The following BIRC6 variants were observed in gnomAD, a reference collection of about 807,000 sequenced individuals.
The protein encoded by BIRC6 is dual E2 ubiquitin-conjugating enzyme/E3 ubiquitin-protein ligase BIRC6.
A neutral mutation model predicts 503.3 loss-of-function variants in BIRC6; 98 were observed. The ratio of observed to expected loss-of-function variants is 0.19; its 90% confidence interval spans 0.17 to 0.23. BIRC6 has a LOEUF of 0.23. Among genes scored for constraint, BIRC6 ranks in the 10% least tolerant of loss-of-function variants. The pLI is 1.00. For missense variants in BIRC6, 5,360 were observed against 5,806.0 expected, an observed-to-expected ratio of 0.92 and a Z score of 2.50; for synonymous variants, 2,240 against 2,078.7, an observed-to-expected ratio of 1.08 and a Z score of -2.11.
chr2:32,615,729 G>C (rs1172153048), intron 73 of BIRC6, among the ~76,000 whole-genome samples: 1 of 152,106 alleles, frequency 6.6e-6, no homozygotes, highest in African/African-American at 2.4e-5. Context: ...CTGCCTCCCT[G>C]GTTCAAGCGA....
chr2:32,497,076 A>T (rs896635594), intron 45 of BIRC6, among the ~76,000 whole-genome samples: 1 of 152,220 alleles, frequency 6.6e-6, no homozygotes, highest in African/African-American at 2.4e-5. Flanking sequence ...CTAAGACCTT[A>T]AAAAAATTAT....
chr2:32,365,614 C>T (rs1038027690), intron 1 of BIRC6, among the ~76,000 whole-genome samples: 3 of 152,028 alleles, frequency 2.0e-5, no homozygotes, highest in Non-Finnish European at 4.4e-5. Flanking sequence ...CCACCGTGCC[C>T]GGTCCTACTT....
intron 37 of BIRC6, 35 bp from the exon 38 acceptor site, chr2:32,481,285 A>T: frequency 6.7e-7 from 1 of 1,489,916 alleles, no homozygotes; most frequent in South Asian, 1.4e-5. Context: ...TATGTGATAC[A>T]CTCCACCAAT....
At chr2:32,493,390 A>G (rs1216004263) in intron 44 of BIRC6, 150 bp from the exon 45 acceptor site, 4 of 606,450 alleles carry the variant, frequency 6.6e-6, no homozygotes, top group African/African-American at 3.6e-5. Context: ...TAAAAAATTC[A>G]TTTCCTGCTA....
chr2:32,602,991 T>A lies in BIRC6; in HGVS notation c.13993-15T>A, dbSNP rs746049002. The A allele has an allele frequency of 6.3e-7, 1 of 1,594,838 alleles. No individual in the cohort carries two copies. Among genetic ancestry groups the A allele is most frequent in the Admixed American group, 1.9e-5 (1 of 53,858 alleles). On this transcript the variant is annotated splice_polypyrimidine_tract_variant and intron_variant, in intron 70 of 73. Transcript: ENST00000421745. Reference sequence around the variant, plus strand: ...CTCTTTTTTCAATTCTGTTTATGCTTTTTTCGTTCGTCAGGTTTGTTTAAG... The same window carrying A: ...CTCTTTTTTCAATTCTGTTTATGCTATTTTCGTTCGTCAGGTTTGTTTAAG...
At position 32,485,342 on chromosome 2, in the gene BIRC6, A is replaced by G. The variant is rs1231646977; in HGVS notation, c.7697-301A>G. Among the ~76,000 whole-genome samples the G allele has an allele frequency of 2.0e-5, 3 of 152,280 alleles. No homozygotes were observed. The East Asian group carries it at 5.8e-4, about 29-fold the overall frequency. Reference sequence around the variant, plus strand: ...TTTAGCTTTCTTCTTGTCTGTATTTATAGCACTTTATTCTGACAGTGAGAA... The same window carrying G: ...TTTAGCTTTCTTCTTGTCTGTATTTGTAGCACTTTATTCTGACAGTGAGAA... On this transcript the variant is annotated intron_variant, in intron 39 of 73. Coordinates refer to ENST00000421745, the MANE Select transcript of BIRC6 (RefSeq NM_016252.4).
At position 32,487,816 on chromosome 2, in the gene BIRC6, G is replaced by A. The variant is rs1371394436; in HGVS notation, c.7968+15G>A. On this transcript the variant is annotated intron_variant, in intron 41 of 73. Coordinates refer to ENST00000421745, the MANE Select transcript of BIRC6 (RefSeq NM_016252.4). Reference sequence around the variant, plus strand: ...ATCATGTTCAGGTATGACTTCAGGAGAAATGGTGTATTTTTACATATTATT... The same window carrying A: ...ATCATGTTCAGGTATGACTTCAGGAAAAATGGTGTATTTTTACATATTATT... 18 of 1,596,598 alleles carry A rather than the reference G, an allele frequency of 1.1e-5. No homozygotes were observed. The highest frequency in any genetic ancestry group is 5.0e-5 in the Admixed American group (3 of 59,716).
chr2:32,534,709 T>C (rs1490080711), intron 61 of BIRC6, among the ~76,000 whole-genome samples: 1 of 112,064 alleles, frequency 8.9e-6, no homozygotes, highest in Admixed American at 1.4e-4. Context: ...CCAGCCTGGG[T>C]GACAGAGCAA....
At chr2:32,387,301 CT>C (rs1281320241) in intron 3 of BIRC6, among the ~76,000 whole-genome samples, 11,114 of 123,432 alleles carry the variant, frequency 0.09, 484 homozygotes, top group Admixed American at 0.17. Flanking sequence ...CATTCTCCCT[CT>C]TTTTTTTTTT....
intron 39 of BIRC6, among the ~76,000 whole-genome samples, chr2:32,484,291 G>A (rs1205235902): frequency 1.4e-5 from 2 of 144,454 alleles, no homozygotes; most frequent in Non-Finnish European, 3.0e-5. Context: ...CGGTGGTCAC[G>A]CCTGTAATCC....
chr2:32,518,940 G>C lies in BIRC6; in HGVS notation c.11617G>C (p.Val3873Leu). 1 of 1,613,386 alleles carries C rather than the reference G, an allele frequency of 6.2e-7. No homozygotes were observed. The highest frequency in any genetic ancestry group is 8.5e-7 in the Non-Finnish European group (1 of 1,179,548). Residue 3873 changes from valine to leucine, a missense_variant, in exon 57 of 74, where the codon GTG becomes CTG. Transcript: ENST00000421745. ...STTLSDVLDRVSDTPSITAKL... is the reference protein window; with the variant it reads ...STTLSDVLDRLSDTPSITAKL... ...AACATTATCAGATGTTCTTGACAGA[G>C]TGTCAGGCAAGTCAGATTTAAGTAT...
chr2:32,535,821 A>G (rs899456237), intron 61 of BIRC6, among the ~76,000 whole-genome samples: 11 of 152,254 alleles, frequency 7.2e-5, no homozygotes, highest in African/African-American at 2.7e-4. Context: ...GTATATACCC[A>G]GTAATGGGAT....
intron 1 of BIRC6, among the ~76,000 whole-genome samples, chr2:32,376,680 A>T (rs1252890208): frequency 6.6e-6 from 1 of 152,188 alleles, no homozygotes; most frequent in Non-Finnish European, 1.5e-5. Flanking sequence ...AAATTTATGT[A>T]TGAGTGGTCT....
intron 55 of BIRC6, among the ~76,000 whole-genome samples, chr2:32,517,385 A>T (rs10185152): frequency 1 from 152,317 of 152,318 alleles, 76,158 homozygotes; most frequent in Middle Eastern, 1. Context: ...AAAGATATTT[A>T]ACTGCCTGTA....
At chr2:32,462,392 A>C (rs1174240986) in intron 23 of BIRC6, among the ~76,000 whole-genome samples, 2 of 152,222 alleles carry the variant, frequency 1.3e-5, no homozygotes, top group Non-Finnish European at 2.9e-5. Flanking sequence ...AATAACAATG[A>C]AATGGAAAAT....
rs1344792480 is a variant in BIRC6 at position 32,618,125 on chromosome 2, G to C, written c.*221G>C. ...TTTTCAATTGTGAGAACCACTGATT[G>C]GTATGTTCAACAAATTTGTGTATAC... is the stretch of plus-strand genomic sequence containing the variant. On this transcript the variant is annotated 3_prime_UTR_variant, in exon 74 of 74. Transcript: ENST00000421745. 5.2e-6 allele frequency: 2 copies of C among 386,904 alleles called. No individual in the cohort carries two copies. Among genetic ancestry groups the C allele is most frequent in the African/African-American group, 2.0e-5 (1 of 49,870 alleles). 24.0% of individuals were successfully genotyped at this position (386,904 alleles called of 1,614,324 possible). A position where few individuals can be genotyped will look rare whatever the true frequency, so the allele number is the denominator to read the frequency against.
intron 3 of BIRC6, among the ~76,000 whole-genome samples, chr2:32,382,186 G>A (rs141740374): frequency 1.3e-5 from 2 of 152,200 alleles, no homozygotes; most frequent in Non-Finnish European, 2.9e-5. Flanking sequence ...GAAACTTAGA[G>A]AATAGGCCCC....
In BIRC6 at chr2:32,518,266, C is replaced by G. The variant is rs1442050089; in HGVS notation, c.11362C>G (p.Leu3788Val). ...TTTGTCTTGCCAGGTTCTTTGTGAA[C>G]TATTTCAGACATCTCCTCAAAGAGG... The part of the protein sequence containing the change: ...QKLMAQVLCE[L>V]FQTSPQRGNL... Residue 3788 changes from leucine (L) to valine (V), a missense_variant, in exon 56 of 74, where the codon CTA (leucine) becomes GTA (valine). By Grantham distance (32) the Leu-to-Val change is conservative (BLOSUM62 1). Transcript: ENST00000421745. The G allele has an allele frequency of 6.2e-7, 1 of 1,612,338 alleles. No individual in the cohort carries two copies. Among genetic ancestry groups the G allele is most frequent in the Non-Finnish European group, 8.5e-7 (1 of 1,179,182 alleles).
Position 32,502,891 on chromosome 2 carries a change from G to A in BIRC6, c.9304G>A (p.Gly3102Ser), listed in dbSNP as rs1180747485. 1 of 1,596,430 alleles carries A rather than the reference G, an allele frequency of 6.3e-7. No homozygotes were observed. The highest frequency in any genetic ancestry group is 1.3e-5 in the African/African-American group (1 of 74,364). Residue 3102 changes from glycine to serine, a missense_variant and splice_region_variant, in exon 48 of 74, where the codon GGT becomes AGT. Transcript: ENST00000421745. The stretch of plus-strand genomic sequence containing the variant: ...TGCCTTGAAAGCATTTCATGATATG[G>A]GTAAGATAATATTTCAATAACTATC... Reference protein sequence around the residue: ...SDALKAFHDMGGVQLICNNMV... With the variant: ...SDALKAFHDMSGVQLICNNMV...
Sources: allele counts gnomAD v4.1 joint callset (sites outside exome capture counted in the v4.1 genomes callset), GRCh38; gene constraint gnomAD v4.1.1; transcripts MANE v1.5; gene names NCBI Gene and HGNC (gene_info 2026-07-23, HGNC 2026-07-21).